The following ESF1 variants were observed in gnomAD, a reference collection of about 807,000 sequenced individuals.
The protein encoded by ESF1 is ESF1 homolog.
ESF1 carries 58 observed loss-of-function variants against 92.0 expected under a neutral mutation model. The ratio of observed to expected loss-of-function variants is 0.63; its 90% CI spans 0.51 to 0.78. The LOEUF is 0.78. ESF1 is among the 30% of genes least tolerant of loss of function. ESF1 has a pLI of 0.00. For synonymous variants in ESF1, 321 were observed against 313.7 expected, an observed-to-expected ratio of 1.02 and a Z score of -0.24; for missense variants, 922 against 989.1, an observed-to-expected ratio of 0.93 and a Z score of 0.91.
intron 9 of ESF1, among the ~76,000 whole-genome samples, chr20:13,750,251 T>C (rs981785468): frequency 2.6e-5 from 4 of 152,138 alleles, no homozygotes; most frequent in Non-Finnish European, 5.9e-5. Context: ...ACGCCTGTAA[T>C]CCCAGCACTC....
rs533815282 is a variant in ESF1, at chr20:13,780,474, G to A, written c.637+2030C>T. On this transcript the variant is annotated intron_variant, in intron 2 of 13. Coordinates refer to ENST00000617257, the MANE Select transcript of ESF1 (RefSeq NM_001276380.2). Reference sequence around the variant, plus strand: ...TATCCTTTCTTCCCACACCTCAAGAGGTCTGCTGCCTGGTTCCACTACAAA... The same window carrying A: ...TATCCTTTCTTCCCACACCTCAAGAAGTCTGCTGCCTGGTTCCACTACAAA... Among the ~76,000 whole-genome samples, 4 of 152,194 alleles carry A rather than the reference G, an allele frequency of 2.6e-5. No individual in the cohort carries two copies. In the East Asian group the frequency reaches 5.8e-4, roughly 22 times the overall value.
chr20:13,748,588 A>ATGTG (rs1351825674), intron 9 of ESF1, among the ~76,000 whole-genome samples: 1 of 61,516 alleles, frequency 1.6e-5, no homozygotes, highest in African/African-American at 5.3e-5. Flanking sequence ...ATATATATAT[A>ATGTG]TATATTTTTT....
Position 13,769,993 on chromosome 20 carries a change from C to G in ESF1, c.1432G>C (p.Asp478His), listed in dbSNP as rs574680707. 113 of 1,609,498 alleles carry G rather than the reference C, an allele frequency of 7.0e-5. No homozygotes were observed. Among genetic ancestry groups the G allele is most frequent in the Non-Finnish European group, 9.1e-5 (107 of 1,178,640 alleles). Residue 478 changes from aspartate (D) to histidine (H), a missense_variant, in exon 7 of 14, where the codon GAT becomes CAT. Physicochemically the swap from Asp to His is moderately conservative, Grantham distance 81 (BLOSUM62 -1). Coordinates refer to ENST00000617257, the MANE Select transcript of ESF1 (RefSeq NM_001276380.2). ...TCTGAGGCTACATCCTTAGGCTCAT[C>G]ATCAAAAGTAATATCATCTGGTATA... ...RFIPDDITFD[D>H]EPKDVASEVN...
chr20:13,736,238 G>GA, intron 9 of ESF1, among the ~76,000 whole-genome samples: 1 of 151,974 alleles, frequency 6.6e-6, no homozygotes, highest in Non-Finnish European at 1.5e-5. Flanking sequence ...AATATCTCTG[G>GA]TTATCCACTA....
rs190896574 is a variant in ESF1 at position 13,756,274 on chromosome 20, C to T, written c.1828+3418G>A. On this transcript the variant is annotated intron_variant, in intron 9 of 13. Coordinates refer to ENST00000617257, the MANE Select transcript of ESF1 (RefSeq NM_001276380.2). ...AACCCTTTACACTTGCATGTGCATG[C>T]GTGCATGTACATAAGGATTCACAGA... Among the ~76,000 whole-genome samples, 19 of 152,270 alleles carry T rather than the reference C, an allele frequency of 1.2e-4. 1 individual carries two copies. In the East Asian group the frequency reaches 2.3e-3, roughly 19 times the overall value.
intron 9 of ESF1, among the ~76,000 whole-genome samples, chr20:13,745,641 G>A (rs761269879): frequency 6.1e-4 from 93 of 152,098 alleles, no homozygotes; most frequent in South Asian, 3.5e-3. Context: ...TAGTAAAGAC[G>A]GAGTTTCACC....
chr20:13,777,255 A>G (rs1055818998), intron 2 of ESF1, among the ~76,000 whole-genome samples: 1 of 152,210 alleles, frequency 6.6e-6, no homozygotes, highest in African/African-American at 2.4e-5. Context: ...TGAAACCAAT[A>G]ATTACCGACT....
chr20:13,771,840 A>G (rs1169239545), intron 5 of ESF1, among the ~76,000 whole-genome samples: 6 of 152,014 alleles, frequency 3.9e-5, no homozygotes, highest in African/African-American at 1.2e-4. Flanking sequence ...CATTAGCTAA[A>G]AGACATTCCT....
chr20:13,714,859 A>G lies in ESF1; in HGVS notation c.*15T>C. ...AGGAAAAGATGTATTCAGTTCAAAA[A>G]TAAGTAACATCCAGTTATTTGACTT... On this transcript the variant is annotated 3_prime_UTR_variant, in exon 14 of 14. Coordinates refer to ENST00000617257, the MANE Select transcript of ESF1 (RefSeq NM_001276380.2). The G allele has an allele frequency of 6.3e-7, 1 of 1,578,390 alleles. No homozygotes were observed. The highest frequency in any genetic ancestry group is 8.6e-7 in the Non-Finnish European group (1 of 1,165,298).
rs1442401622 is a variant in ESF1, at chr20:13,775,243, T to C, written c.1063A>G (p.Met355Val). 7 of 1,608,564 alleles carry C rather than the reference T, an allele frequency of 4.4e-6. 1 individual carries two copies. In the Admixed American group the frequency reaches 1.0e-4, roughly 23 times the overall value. The change falls in exon 4 of 14, where the codon ATG (methionine) becomes GTG (valine). Residue 355 changes from methionine to valine, a missense_variant. Met to Val is a conservative substitution (Grantham distance 21). Coordinates refer to ENST00000617257, the MANE Select transcript of ESF1 (RefSeq NM_001276380.2). ...TTTGCCTTTAATCTATCCCAGTCCA[T>C]GTTACAAACTGCTAATCGACGTGTA... The part of the protein sequence containing the change: ...EITRRLAVCN[M>V]DWDRLKAKDL...
At chr20:13,722,962 TAG>T (rs1491256473) in intron 11 of ESF1, among the ~76,000 whole-genome samples, 1 of 152,178 alleles carries the variant, frequency 6.6e-6, no homozygotes, top group Non-Finnish European at 1.5e-5. Context: ...AGTCAGATAT[TAG>T]AGTTTTACAG....
chr20:13,780,090 A>G (rs2147450973), intron 2 of ESF1, among the ~76,000 whole-genome samples: 1 of 152,280 alleles, frequency 6.6e-6, no homozygotes, highest in East Asian at 1.9e-4. Context: ...ATCCTTATTT[A>G]TGAGTAATGC....
intron 9 of ESF1, among the ~76,000 whole-genome samples, chr20:13,747,576 G>C (rs538721413): frequency 6.8e-6 from 1 of 147,270 alleles, no homozygotes; most frequent in African/African-American, 2.5e-5. Flanking sequence ...CCTGCCGACA[G>C]AGCGAGACTC....
At chr20:13,772,899 A>G (rs1012122383) in intron 4 of ESF1, among the ~76,000 whole-genome samples, 4 of 152,222 alleles carry the variant, frequency 2.6e-5, no homozygotes, top group African/African-American at 9.6e-5. Flanking sequence ...TCCAAACGAA[A>G]AATTAAAAGC....
chr20:13,733,046 C>T (rs1310359348), intron 10 of ESF1, among the ~76,000 whole-genome samples: 1 of 152,026 alleles, frequency 6.6e-6, no homozygotes, highest in Non-Finnish European at 1.5e-5. Flanking sequence ...CTAATTCAGC[C>T]TCCCAAGTAG....
intron 9 of ESF1, among the ~76,000 whole-genome samples, chr20:13,755,418 A>T (rs1195739338): frequency 6.6e-6 from 1 of 152,206 alleles, no homozygotes; most frequent in Admixed American, 6.5e-5. Flanking sequence ...GACTATTAAT[A>T]CAGGGGAAGT....
intron 9 of ESF1, among the ~76,000 whole-genome samples, chr20:13,739,451 G>A (rs1199889404): frequency 1.3e-5 from 2 of 152,094 alleles, no homozygotes; most frequent in African/African-American, 4.8e-5. Flanking sequence ...GTATTTGCCT[G>A]TACTTTATTT....
chr20:13,744,379 A>T (rs879785297), intron 9 of ESF1, among the ~76,000 whole-genome samples: 3 of 152,254 alleles, frequency 2.0e-5, no homozygotes, highest in Admixed American at 2.0e-4. Flanking sequence ...ATGAATAGAC[A>T]TTCTACATAT....
In ESF1 at chr20:13,714,382, C is replaced by T. The variant is rs2049808349; in HGVS notation, c.*492G>A. The T allele has an allele frequency of 6.6e-6, 1 of 152,194 alleles. No individual in the cohort carries two copies. Among genetic ancestry groups the T allele is most frequent in the African/African-American group, 2.4e-5 (1 of 41,436 alleles). The allele number at this position is 152,194 out of a possible 1,614,324, so 9.4% of individuals were successfully genotyped here. A position where few individuals can be genotyped will look rare whatever the true frequency, so the allele number is the denominator to read the frequency against. ...ATTTCATAAACTATACTTAACATGA[C>T]TAAACAACAAAAAGTTCTTGACTTC... On this transcript the variant is annotated 3_prime_UTR_variant, in exon 14 of 14. Coordinates refer to ENST00000617257, the MANE Select transcript of ESF1 (RefSeq NM_001276380.2).
Sources: allele counts gnomAD v4.1 joint callset (sites outside exome capture counted in the v4.1 genomes callset), GRCh38; gene constraint gnomAD v4.1.1; transcripts MANE v1.5; gene names NCBI Gene and HGNC (gene_info 2026-07-23, HGNC 2026-07-21).